The following HSPA12A variants were observed in gnomAD, a reference collection of about 807,000 sequenced individuals.
The protein encoded by HSPA12A is heat shock 70 kDa protein 12A.
Under a neutral mutation model 69.2 loss-of-function variants are expected in HSPA12A, and 28 were observed. The observed-to-expected ratio is 0.40, with a 90% CI of 0.30 to 0.55. HSPA12A has a LOEUF of 0.55. Ranked by LOEUF, HSPA12A falls within the 20% of genes least tolerant of loss-of-function variation. HSPA12A has a pLI of 0.38. For synonymous variants in HSPA12A, 345 were observed against 370.5 expected (o/e 0.93, Z 0.79); for missense variants, 686 against 900.7 (o/e 0.76, Z 3.05).
intron 2 of HSPA12A, among the ~76,000 whole-genome samples, chr10:116,792,230 G>C (rs954573329): frequency 8.3e-6 from 1 of 120,800 alleles, no homozygotes; most frequent in Non-Finnish European, 1.6e-5. Context: ...CCCCAGTTCA[G>C]CATGGGCAAC....
chr10:116,834,082 A>C (rs141206102), intron 2 of HSPA12A, among the ~76,000 whole-genome samples: 12 of 152,338 alleles, frequency 7.9e-5, no homozygotes, highest in Non-Finnish European at 1.8e-4. Context: ...GGATCATAGA[A>C]GCGCTCAGAT....
At position 116,686,572 on chromosome 10, in the gene HSPA12A, G is replaced by A. The variant is rs141523673; in HGVS notation, c.664-2610C>T. 6.6e-6 allele frequency among the ~76,000 whole-genome samples: 1 copy of A among 152,318 alleles called. No individual in the cohort carries two copies. The highest frequency in any genetic ancestry group is 1.5e-5 in the Non-Finnish European group (1 of 68,024). ...GGCAAAGACCCAGACGCTACATTAC[G>A]GTTACCATGTCCCACTGGGATGTCA... On this transcript the variant is annotated intron_variant, in intron 6 of 11. Transcript: ENST00000369209. This position sits in a 1 kb window ranked among gnomAD's most constrained non-coding sequence, Gnocchi z 4.1.
At chr10:116,804,020 C>T (rs1845014643) in intron 2 of HSPA12A, among the ~76,000 whole-genome samples, 1 of 152,142 alleles carries the variant, frequency 6.6e-6, no homozygotes, top group African/African-American at 2.4e-5. Context: ...CTTAGCCCCT[C>T]CTCATCCCCA....
intron 11 of HSPA12A, 139 bp downstream of exon 11, chr10:116,676,260 C>G (rs571174402): frequency 1.0e-4 from 71 of 685,428 alleles, no homozygotes; most frequent in Admixed American, 3.2e-4. Flanking sequence ...CAAGCCCTGC[C>G]CAGTCCTGCA....
intron 2 of HSPA12A, among the ~76,000 whole-genome samples, chr10:116,757,891 T>C (rs546174631): frequency 6.6e-6 from 1 of 152,322 alleles, no homozygotes; most frequent in African/African-American, 2.4e-5. Context: ...TCTACTTCTC[T>C]ACCTATGAGA....
upstream of HSPA12A, among the ~76,000 whole-genome samples, chr10:116,744,228 T>C (rs1412448328): frequency 6.6e-6 from 1 of 152,208 alleles, no homozygotes; most frequent in Non-Finnish European, 1.5e-5. Context: ...AAAATGTGCT[T>C]GATGCCTGGA....
At chr10:116,776,430 T>C (rs1414626012) in intron 2 of HSPA12A, among the ~76,000 whole-genome samples, 1 of 152,264 alleles carries the variant, frequency 6.6e-6, no homozygotes, top group Non-Finnish European at 1.5e-5. Context: ...CTTCTATTTA[T>C]GGCTTACAGT....
At chr10:116,679,910 C>A in intron 9 of HSPA12A, 149 bp from the exon 10 acceptor site, 2 of 691,348 alleles carry the variant, frequency 2.9e-6, no homozygotes, top group Non-Finnish European at 4.9e-6. Flanking sequence ...CAGAACCCTG[C>A]GCTGCTTCTC....
chr10:116,742,439 C>T lies in HSPA12A; in HGVS notation c.31G>A (p.Gly11Arg). ...CGCAGCCTGCGCTCACCTCGGGGCCCGTCGCTGCCGCCGGCCTCCTTGTCC... is the reference window on the plus strand; with the variant it reads ...CGCAGCCTGCGCTCACCTCGGGGCCTGTCGCTGCCGCCGGCCTCCTTGTCC... Reference protein sequence around the residue: MADKEAGGSDGPRETAPTSAY... With the variant: MADKEAGGSDRPRETAPTSAY... The change falls in exon 1 of 12, where the codon GGG (glycine) becomes AGG (arginine). Residue 11 changes from glycine (G) to arginine (R), a missense_variant. Gly to Arg is a moderately radical substitution (Grantham distance 125). Coordinates refer to ENST00000369209, the MANE Select transcript of HSPA12A (RefSeq NM_025015.3). 1 of 1,414,182 alleles carries T rather than the reference C, an allele frequency of 7.1e-7. No individual in the cohort carries two copies. Among genetic ancestry groups the T allele is most frequent in the Non-Finnish European group, 9.2e-7 (1 of 1,083,208 alleles). 87.6% of individuals were successfully genotyped at this position (1,414,182 alleles called of 1,614,324 possible).
intron 1 of HSPA12A, among the ~76,000 whole-genome samples, chr10:116,739,078 C>A (rs1554886709): frequency 6.6e-6 from 1 of 152,192 alleles, no homozygotes; most frequent in African/African-American, 2.4e-5. Flanking sequence ...GGAAGTAGGG[C>A]AGCCACTCTC....
rs151292160 is a variant in HSPA12A at position 116,758,102 on chromosome 10, C to G, written c.92-50817G>C. 5.2e-4 allele frequency among the ~76,000 whole-genome samples: 79 copies of G among 152,274 alleles called. No individual in the cohort carries two copies. The East Asian group carries it at 0.014, about 27-fold the overall frequency. On this transcript the variant is annotated intron_variant, in intron 2 of 12. Transcript: ENST00000635765. Reference sequence around the variant, plus strand: ...AATAAATGATTATTTAAAATCCACTCAACAGAAGTGGGATAGGTGGTTTAG... The same window carrying G: ...AATAAATGATTATTTAAAATCCACTGAACAGAAGTGGGATAGGTGGTTTAG...
intron 2 of HSPA12A, among the ~76,000 whole-genome samples, chr10:116,767,574 T>C (rs569628759): frequency 4.9e-4 from 75 of 152,208 alleles, no homozygotes; most frequent in African/African-American, 1.8e-3. Context: ...ACAGACTGGG[T>C]GGGGCACAGT....
intron 2 of HSPA12A, among the ~76,000 whole-genome samples, chr10:116,809,147 G>A (rs528948763): frequency 6.6e-6 from 1 of 152,254 alleles, no homozygotes; most frequent in East Asian, 1.9e-4. Flanking sequence ...GGGACTCAGG[G>A]GAGCCACTTC....
intron 1 of HSPA12A, among the ~76,000 whole-genome samples, chr10:116,729,343 C>T (rs1190814237): frequency 2.6e-5 from 4 of 152,296 alleles, no homozygotes; most frequent in East Asian, 1.9e-4. Flanking sequence ...CCCCCACCAT[C>T]GGAGGTGGGG....
At chr10:116,801,329 C>A (rs1450021048) in intron 2 of HSPA12A, among the ~76,000 whole-genome samples, 2 of 152,156 alleles carry the variant, frequency 1.3e-5, no homozygotes, top group South Asian at 4.1e-4. Context: ...GTTTTCATGG[C>A]ACATCCATCG....
intron 8 of HSPA12A, 81 bp downstream of exon 8, chr10:116,681,710 G>T: frequency 7.7e-7 from 1 of 1,293,326 alleles, no homozygotes; most frequent in Non-Finnish European, 1.1e-6. Context: ...TTCCAAAAGT[G>T]CAAAAGGGAC....
chr10:116,760,920 T>C (rs1223779195), intron 2 of HSPA12A, among the ~76,000 whole-genome samples: 2 of 152,124 alleles, frequency 1.3e-5, no homozygotes, highest in East Asian at 3.9e-4. Flanking sequence ...ACAACGGAGA[T>C]AAAGGATAAA....
intron 1 of HSPA12A, among the ~76,000 whole-genome samples, chr10:116,721,944 G>A (rs1362243748): frequency 6.6e-6 from 1 of 152,186 alleles, no homozygotes; most frequent in East Asian, 1.9e-4. Context: ...ATCAGTCTCT[G>A]CAGTCCTTGG....
At chr10:116,823,328 ATGGATG>A (rs1389283611) in intron 2 of HSPA12A, among the ~76,000 whole-genome samples, 4 of 152,242 alleles carry the variant, frequency 2.6e-5, no homozygotes, top group Non-Finnish European at 4.4e-5. Flanking sequence ...ATCCAGGTTC[ATGGATG>A]AGAAGATTTT....
Sources: allele counts gnomAD v4.1 joint callset (sites outside exome capture counted in the v4.1 genomes callset), GRCh38; gene constraint gnomAD v4.1.1; non-coding constraint Gnocchi (gnomAD v3.1); transcripts MANE v1.5; gene names NCBI Gene and HGNC (gene_info 2026-07-23, HGNC 2026-07-21).